Variants in RALY observed in about 807,000 individuals in gnomAD.
RALY encodes RALY heterogeneous nuclear ribonucleoprotein.
Under a neutral mutation model 30.7 loss-of-function variants are expected in RALY, and 15 were observed. That is an observed-to-expected ratio of 0.49 (90% CI 0.33 to 0.75). The LOEUF is 0.75. Among genes scored for constraint, RALY ranks in the 30% least tolerant of loss-of-function variants. RALY has a pLI of 0.02. For missense variants in RALY, 339 were observed against 414.3 expected (o/e 0.82, Z 1.58); for synonymous variants, 177 against 170.8 (o/e 1.04, Z -0.28).
At chr20:34,077,000 C>G in intron 7 of RALY, 28 bp from the exon 8 acceptor site, 1 of 1,610,236 alleles carries the variant, frequency 6.2e-7, no homozygotes, top group Non-Finnish European at 8.5e-7. Context: ...GAGTTTTATT[C>G]TCCCCTCCTC....
intron 1 of RALY, among the ~76,000 whole-genome samples, chr20:34,015,845 GCACA>G (rs148065141): frequency 3.4e-5 from 5 of 149,080 alleles, no homozygotes; most frequent in Admixed American, 1.3e-4. Flanking sequence ...TGCAACATGT[GCACA>G]CACACACACA....
At chr20:34,029,403 A>G (rs978728638) in intron 1 of RALY, among the ~76,000 whole-genome samples, 16 of 146,942 alleles carry the variant, frequency 1.1e-4, no homozygotes, top group Non-Finnish European at 1.8e-4. Flanking sequence ...GCGCCAGGAT[A>G]TTCCAGCCTG....
At chr20:34,066,081 G>A (rs1044070162) in intron 2 of RALY, among the ~76,000 whole-genome samples, 2 of 151,878 alleles carry the variant, frequency 1.3e-5, no homozygotes, top group African/African-American at 2.4e-5. Context: ...GGAGAGTGTC[G>A]AGTAAGAAGC....
intron 2 of RALY, chr20:34,049,159 G>A (rs2032993037): frequency 6.5e-6 from 1 of 153,892 alleles, no homozygotes; most frequent in Non-Finnish European, 1.5e-5. Flanking sequence ...TGGCATCTAT[G>A]AAAGCCAGGC....
Position 34,078,564 on chromosome 20 carries a change from C to G in RALY, c.*4+11C>G. ...CCTTGCAGTAAGCAGGTACAGGGGT[C>G]CTGTCCTGATGGGCAGAGGGTGGGG... On this transcript the variant is annotated intron_variant, in intron 9 of 9. Transcript: ENST00000246194. 6.4e-7 allele frequency: 1 copy of G among 1,560,366 alleles called. No individual in the cohort carries two copies. The highest frequency in any genetic ancestry group is 2.4e-5 in the East Asian group (1 of 41,196).
intron 1 of RALY, among the ~76,000 whole-genome samples, chr20:33,996,469 C>T (rs1213972554): frequency 1.3e-5 from 2 of 152,052 alleles, no homozygotes; most frequent in South Asian, 2.1e-4. Flanking sequence ...CTTAGAGCAA[C>T]CTATGAATTA....
chr20:34,022,654 C>T (rs938386767), intron 1 of RALY, among the ~76,000 whole-genome samples: 22 of 152,182 alleles, frequency 1.4e-4, no homozygotes, highest in African/African-American at 5.3e-4. Context: ...CTTCCTTTTT[C>T]CTTCAGCACT....
chr20:34,076,869 A>G (rs2122321724), intron 7 of RALY, 54 bp downstream of exon 7: 12 of 1,598,370 alleles, frequency 7.5e-6, no homozygotes, highest in South Asian at 4.5e-5. Context: ...AGGGCAGAGC[A>G]TGGGGAAATA....
chr20:34,039,000 C>G (rs548353046), intron 2 of RALY, among the ~76,000 whole-genome samples: 1 of 152,274 alleles, frequency 6.6e-6, no homozygotes, highest in South Asian at 2.1e-4. Flanking sequence ...ACCTGGGCCT[C>G]TTTTTCCTCA....
chr20:34,039,392 T>C (rs990515871), intron 2 of RALY, among the ~76,000 whole-genome samples: 1 of 152,238 alleles, frequency 6.6e-6, no homozygotes, highest in African/African-American at 2.4e-5. Flanking sequence ...ACCCACTCAT[T>C]GGGTGTTCCC....
chr20:34,061,579 G>A (rs1016735960), intron 2 of RALY, among the ~76,000 whole-genome samples: 3 of 152,194 alleles, frequency 2.0e-5, no homozygotes, highest in Non-Finnish European at 4.4e-5. Context: ...TATTTAGTTA[G>A]TGTGACAGTG....
intron 2 of RALY, among the ~76,000 whole-genome samples, chr20:34,034,314 G>A (rs1383111378): frequency 1.3e-5 from 2 of 152,160 alleles, no homozygotes; most frequent in Admixed American, 6.5e-5. Flanking sequence ...TGGACATTCT[G>A]TTCTTCTGTC....
rs559149574 is a variant in RALY, at chr20:34,049,489, G to GT, written c.-10+17887dup. ...TAAGAACCCCTGTAGTAAAGGAACA[G>GT]TTACCTCTGCTGTAAGAAGTCAGAA... On this transcript the variant is annotated intron_variant, in intron 2 of 9. Coordinates refer to ENST00000246194, the MANE Select transcript of RALY (RefSeq NM_016732.3). Among the ~76,000 whole-genome samples the GT allele has an allele frequency of 1.8e-4, 27 of 152,310 alleles. No homozygotes were observed. In the South Asian group the frequency reaches 5.6e-3, roughly 32 times the overall value.
intron 6 of RALY, 71 bp from the exon 7 acceptor site, chr20:34,076,631 G>A (rs2033885640): frequency 4.6e-6 from 6 of 1,314,632 alleles, no homozygotes; most frequent in Admixed American, 3.9e-5. Context: ...GAAAGAACAG[G>A]GCTGAGGTTT....
chr20:34,041,762 A>G (rs534734220), intron 2 of RALY, among the ~76,000 whole-genome samples: 20 of 152,178 alleles, frequency 1.3e-4, no homozygotes, highest in South Asian at 2.1e-4. Flanking sequence ...TTAATTGACA[A>G]TCATCAAGTT....
intron 1 of RALY, among the ~76,000 whole-genome samples, chr20:34,019,041 G>A (rs760065977): frequency 8.5e-5 from 13 of 152,084 alleles, no homozygotes; most frequent in African/African-American, 2.2e-4. Context: ...AGGATCCCTC[G>A]GCCGGGCGCA....
chr20:34,076,255 T>C, intron 6 of RALY: 1 of 641,686 alleles, frequency 1.6e-6, no homozygotes, highest in East Asian at 2.9e-5. Context: ...CAGTGCTGGA[T>C]ATGGTGCCCA....
intron 1 of RALY, among the ~76,000 whole-genome samples, chr20:34,013,883 T>G (rs2031507603): frequency 6.6e-6 from 1 of 152,152 alleles, no homozygotes; most frequent in African/African-American, 2.4e-5. Context: ...ATACTTATAG[T>G]ATAGTTTGGT....
chr20:34,044,362 A>G (rs1330625310), intron 2 of RALY, among the ~76,000 whole-genome samples: 7 of 142,380 alleles, frequency 4.9e-5, no homozygotes, highest in Admixed American at 4.9e-4. Context: ...TTTTTCTCTT[A>G]TTGCCCAGAC....
Sources: gnomAD v4.1 joint callset for allele counts (sites outside exome capture counted in the v4.1 genomes callset) on GRCh38, gnomAD v4.1.1 for gene constraint, MANE v1.5 for transcripts, NCBI Gene and HGNC (gene_info 2026-07-23, HGNC 2026-07-21) for gene names.